The following PCBP3 variants were observed in gnomAD, a reference collection of about 807,000 sequenced individuals.
PCBP3 encodes the protein poly(rC) binding protein 3.
PCBP3 carries 25 observed loss-of-function variants against 52.7 expected under a neutral mutation model. The observed-to-expected ratio is 0.47, with a 90% CI of 0.35 to 0.66. The LOEUF is 0.66. Ranked by LOEUF, PCBP3 falls within the 30% of genes least tolerant of loss-of-function variation. The probability of loss-of-function intolerance (pLI) is 0.01; values close to 1 mark genes in which losing one functional copy is unlikely to be tolerated. For synonymous variants in PCBP3, 162 were observed against 183.0 expected (o/e 0.89, Z 0.93); for missense variants, 391 against 490.3 (o/e 0.80, Z 1.91).
Position 45,911,011 on chromosome 21 carries a change from T to C in PCBP3, c.581T>C (p.Ile194Thr), listed in dbSNP as rs1200084766. 1 of 1,611,094 alleles carries C rather than the reference T, an allele frequency of 6.2e-7. No homozygotes were observed. The highest frequency in any genetic ancestry group is 8.5e-7 in the Non-Finnish European group (1 of 1,179,970). ...GCCATCATCCAGTGCGTCAAGCAGA[T>C]CTGTGTGGTCATGCTGGAGGTACCG... is the stretch of plus-strand genomic sequence containing the variant. ...PDAIIQCVKQ[I>T]CVVMLESPPK... is the part of the protein sequence containing the mutation. Residue 194 changes from isoleucine (I) to threonine (T), a missense_variant, in exon 11 of 18, where the codon ATC becomes ACC. Coordinates refer to ENST00000681687, the MANE Select transcript of PCBP3 (RefSeq NM_001384156.1).
At chr21:45,870,488 C>T (rs1257309237) in intron 5 of PCBP3, among the ~76,000 whole-genome samples, 2 of 152,246 alleles carry the variant, frequency 1.3e-5, no homozygotes, top group Non-Finnish European at 2.9e-5. Flanking sequence ...CCGGGAGCTG[C>T]GTCTCCTGCT....
intron 13 of PCBP3, among the ~76,000 whole-genome samples, chr21:45,922,929 G>A (rs778015855): frequency 6.6e-6 from 1 of 152,184 alleles, no homozygotes. Context: ...TGTCTACTAA[G>A]AAGCTGGTTC....
rs1351548070 is a variant in PCBP3, at chr21:45,830,158, T to C, written c.-125-19803T>C. On this transcript the variant is annotated intron_variant, in intron 4 of 17. Coordinates refer to ENST00000681687, the MANE Select transcript of PCBP3 (RefSeq NM_001384156.1). This position sits in a 1 kb window ranked among gnomAD's most constrained non-coding sequence, Gnocchi z 4.4. ...GCAGTACATGTGGGCCCTGCAACCC[T>C]AGACCAGTCTCCAGGCAGGGCAAAT... 1 of 152,800 alleles carries C rather than the reference T, an allele frequency of 6.5e-6. No individual in the cohort carries two copies. Among genetic ancestry groups the C allele is most frequent in the Non-Finnish European group, 1.5e-5 (1 of 68,144 alleles). 9.5% of individuals were successfully genotyped at this position (152,800 alleles called of 1,614,324 possible).
chr21:45,681,249 G>A (rs1421511624), intron 2 of PCBP3, among the ~76,000 whole-genome samples: 1 of 152,212 alleles, frequency 6.6e-6, no homozygotes, highest in Non-Finnish European at 1.5e-5. Context: ...AGTTTTCTGA[G>A]AGGTTTTATC....
At chr21:45,887,720 C>T (rs1023695745) in intron 5 of PCBP3, among the ~76,000 whole-genome samples, 2 of 152,216 alleles carry the variant, frequency 1.3e-5, no homozygotes, top group Non-Finnish European at 2.9e-5. Context: ...TTTCTGCAAA[C>T]GTAATTTCTA....
intron 13 of PCBP3, among the ~76,000 whole-genome samples, chr21:45,925,731 C>T (rs395418): frequency 1.3e-5 from 2 of 152,170 alleles, no homozygotes; most frequent in African/African-American, 4.8e-5. Flanking sequence ...AAAAACTTTA[C>T]TCATTACATG....
chr21:45,875,987 G>T (rs1051287715), intron 5 of PCBP3, among the ~76,000 whole-genome samples: 1 of 152,232 alleles, frequency 6.6e-6, no homozygotes, highest in Non-Finnish European at 1.5e-5. Context: ...TGCCGTGTGG[G>T]AACTGAGGAA....
chr21:45,909,873 G>GGACCCCCTCCACCCACTGCCCAGATACA (rs2096312706), intron 10 of PCBP3, among the ~76,000 whole-genome samples: 1 of 76,606 alleles, frequency 1.3e-5, no homozygotes, highest in Non-Finnish European at 2.4e-5. Flanking sequence ...GCCCAGATAC[G>GGACCCCCTCCACCCACTGCCCAGATACA]GACCCGGCCA....
intron 1 of PCBP3, among the ~76,000 whole-genome samples, chr21:45,650,540 T>C (rs529385947): frequency 6.6e-6 from 1 of 152,138 alleles, no homozygotes; most frequent in Non-Finnish European, 1.5e-5. Flanking sequence ...AGCCTTGAAG[T>C]CCTGGACTCG....
intron 5 of PCBP3, among the ~76,000 whole-genome samples, chr21:45,888,522 C>T (rs926437967): frequency 7.9e-5 from 12 of 152,218 alleles, no homozygotes; most frequent in African/African-American, 2.7e-4. Context: ...GCCACCCACA[C>T]GCCACCGCAC....
At chr21:45,671,604 G>A (rs946477395) in intron 2 of PCBP3, among the ~76,000 whole-genome samples, 2 of 152,226 alleles carry the variant, frequency 1.3e-5, no homozygotes, top group African/African-American at 2.4e-5. Context: ...ACCATGGGGT[G>A]TTGTGGTAAG....
rs535394845 is a variant in PCBP3 at position 45,830,187 on chromosome 21, C to A, written c.-125-19774C>A. ...CCAGTCTCCAGGCAGGGCAAATGGC[C>A]CCTCTGTGCCCCATAGCCTCGTCCT... On this transcript the variant is annotated intron_variant, in intron 4 of 17. Transcript: ENST00000681687. The surrounding 1 kb of genome is among the most constrained non-coding windows in gnomAD (Gnocchi z 4.4). 2.4e-4 allele frequency: 37 copies of A among 152,920 alleles called. No individual in the cohort carries two copies. The highest frequency in any genetic ancestry group is 8.4e-4 in the African/African-American group (35 of 41,588). The allele number at this position is 152,920 out of a possible 1,614,324, so 9.5% of individuals were successfully genotyped here.
intron 4 of PCBP3, chr21:45,762,507 T>TTTTTTTTTTTTTTTTA: frequency 1.4e-5 from 2 of 147,088 alleles, no homozygotes; most frequent in African/African-American, 2.5e-5. Context: ...TTTTTTTTTT[T>TTTTTTTTTTTTTTTTA]GAGACAGAGT....
chr21:45,672,935 G>T (rs1212748641), intron 2 of PCBP3, among the ~76,000 whole-genome samples: 1 of 152,158 alleles, frequency 6.6e-6, no homozygotes, highest in Non-Finnish European at 1.5e-5. Context: ...GAGCAAAATG[G>T]GTAACAGTGA....
intron 4 of PCBP3, among the ~76,000 whole-genome samples, chr21:45,841,509 A>G (rs1459218853): frequency 6.6e-6 from 1 of 152,004 alleles, no homozygotes; most frequent in Non-Finnish European, 1.5e-5. Context: ...ACTATTTTAA[A>G]TTATGTTCTT....
At chr21:45,876,078 A>G (rs1421812836) in intron 5 of PCBP3, among the ~76,000 whole-genome samples, 1 of 152,110 alleles carries the variant, frequency 6.6e-6, no homozygotes, top group Admixed American at 6.5e-5. Context: ...GCTTCCCACT[A>G]AGACTAGAGG....
At chr21:45,836,369 A>G (rs2093588768) in intron 4 of PCBP3, 2 of 152,300 alleles carry the variant, frequency 1.3e-5, no homozygotes, top group Admixed American at 1.3e-4. Flanking sequence ...CTTTCCTGGC[A>G]TCTGGAATGG....
intron 13 of PCBP3, among the ~76,000 whole-genome samples, chr21:45,923,643 T>G (rs952459294): frequency 1.3e-5 from 2 of 152,068 alleles, no homozygotes; most frequent in Admixed American, 1.3e-4. Flanking sequence ...ATGCATCCAG[T>G]TGGAAGCCCA....
intron 2 of PCBP3, among the ~76,000 whole-genome samples, chr21:45,721,373 A>G (rs972585949): frequency 2.1e-5 from 3 of 142,416 alleles, no homozygotes; most frequent in Non-Finnish European, 3.0e-5. Flanking sequence ...AGATCGCGCC[A>G]CTGCACTCCA....
Sources: gnomAD v4.1 joint callset for allele counts (sites outside exome capture counted in the v4.1 genomes callset) on GRCh38, gnomAD v4.1.1 for gene constraint, Gnocchi (gnomAD v3.1) non-coding constraint, MANE v1.5 for transcripts, NCBI Gene and HGNC (gene_info 2026-07-23, HGNC 2026-07-21) for gene names.